HNMT: variants seen among roughly 807,000 people sequenced by gnomAD.
HNMT encodes histamine N-methyltransferase.
In HNMT, 30 loss-of-function variants were observed where a neutral mutation model predicts 32.1. That is an observed-to-expected ratio of 0.93 (90% confidence interval 0.70 to 1.27). The LOEUF (loss-of-function observed/expected upper bound fraction) is 1.27, where lower values mean the gene tolerates loss of function less well. Ranked by LOEUF, HNMT falls within the 50% of genes most tolerant of loss-of-function variation. The pLI is 0.00. For synonymous variants in HNMT, 125 were observed against 119.0 expected, an observed-to-expected ratio of 1.05 and a Z score of -0.33; for missense variants, 327 against 346.0, an observed-to-expected ratio of 0.95 and a Z score of 0.43.
chr2:137,985,981 A>T (rs552510638), intron 2 of HNMT, among the ~76,000 whole-genome samples: 58 of 152,210 alleles, frequency 3.8e-4, no homozygotes, highest in African/African-American at 7.2e-4. Context: ...AAAATAAAAT[A>T]AAATTAAAAT....
intron 5 of HNMT, among the ~76,000 whole-genome samples, chr2:138,008,048 C>G (rs937853134): frequency 6.6e-6 from 1 of 151,876 alleles, no homozygotes; most frequent in Non-Finnish European, 1.5e-5. Flanking sequence ...CATAGGTAAA[C>G]GTGTCCGGGG....
At chr2:137,981,641 T>C (rs1188199903) in intron 2 of HNMT, 2 of 473,292 alleles carry the variant, frequency 4.2e-6, no homozygotes, top group Admixed American at 6.9e-5. Context: ...CTTCACTTTC[T>C]TGAGTAATTA....
At chr2:138,003,148 TG>T (rs1218007433) in intron 4 of HNMT, among the ~76,000 whole-genome samples, 7 of 149,570 alleles carry the variant, frequency 4.7e-5, no homozygotes, top group African/African-American at 1.7e-4. Context: ...GACGAGTTAG[TG>T]GGTGCAGCGC....
intron 2 of HNMT, among the ~76,000 whole-genome samples, chr2:137,997,270 C>T (rs1681025648): frequency 2.0e-5 from 3 of 151,958 alleles, no homozygotes; most frequent in Admixed American, 6.6e-5. Flanking sequence ...CTGTGCTCTA[C>T]CCATCTGACA....
chr2:137,981,073 A>G, intron 2 of HNMT: 1 of 1,068,206 alleles, frequency 9.4e-7, no homozygotes, highest in Non-Finnish European at 1.3e-6. Flanking sequence ...AATGATAATA[A>G]TCTTAATGCA....
At chr2:137,975,930 G>C (rs3100699) in intron 2 of HNMT, among the ~76,000 whole-genome samples, 143,617 of 152,270 alleles carry the variant, frequency 0.94, 68,271 homozygotes, top group East Asian at 1. Context: ...CCCTCAAAGC[G>C]CCAATGGTTG....
intron 2 of HNMT, among the ~76,000 whole-genome samples, chr2:137,996,928 C>A (rs1189460440): frequency 1.3e-5 from 2 of 152,006 alleles, no homozygotes; most frequent in East Asian, 3.9e-4. Context: ...GGGAAAGGAT[C>A]TCCTATTCAG....
intron 2 of HNMT, among the ~76,000 whole-genome samples, chr2:137,988,900 ATTG>A (rs1388013239): frequency 6.6e-6 from 1 of 152,150 alleles, no homozygotes; most frequent in Non-Finnish European, 1.5e-5. Context: ...TATTTTTGTC[ATTG>A]TTGTTTTATT....
At chr2:137,985,684 A>G (rs551271278) in intron 2 of HNMT, among the ~76,000 whole-genome samples, 12 of 152,330 alleles carry the variant, frequency 7.9e-5, no homozygotes, top group African/African-American at 2.9e-4. Flanking sequence ...ACTTGCCCAG[A>G]ACAGACAGTC....
intron 2 of HNMT, among the ~76,000 whole-genome samples, chr2:137,982,010 C>T (rs766020999): frequency 2.0e-5 from 3 of 152,136 alleles, no homozygotes; most frequent in African/African-American, 4.8e-5. Context: ...CACGCCACCA[C>T]GCCCAGATAA....
At chr2:137,966,125 T>C (rs1442341956) in intron 1 of HNMT, among the ~76,000 whole-genome samples, 2 of 152,224 alleles carry the variant, frequency 1.3e-5, no homozygotes, top group African/African-American at 4.8e-5. Context: ...TACCAAAATG[T>C]GATTAGGATA....
chr2:137,992,685 A>T (rs1680859373), intron 2 of HNMT, among the ~76,000 whole-genome samples: 1 of 152,148 alleles, frequency 6.6e-6, no homozygotes, highest in African/African-American at 2.4e-5. Flanking sequence ...CCCGCAAGTG[A>T]GGCACTGTGT....
intron 1 of HNMT, among the ~76,000 whole-genome samples, chr2:137,969,326 C>G (rs114779869): frequency 0.029 from 4,364 of 152,290 alleles, 81 homozygotes; most frequent in Non-Finnish European, 0.046. Flanking sequence ...CTGACCATTA[C>G]TTTATGATGA....
At chr2:137,975,713 T>C (rs1486400433) in intron 2 of HNMT, among the ~76,000 whole-genome samples, 1 of 152,152 alleles carries the variant, frequency 6.6e-6, no homozygotes, top group Non-Finnish European at 1.5e-5. Flanking sequence ...GAAGATCCAG[T>C]GTGTCAGGTT....
At chr2:138,002,420 GT>G in intron 4 of HNMT, 1 of 917,858 alleles carries the variant, frequency 1.1e-6, no homozygotes, top group Non-Finnish European at 1.3e-6. Flanking sequence ...ACCTCTACAA[GT>G]TATCCATTTT....
chr2:137,964,662 G>C (rs974915578), intron 1 of HNMT, 34 bp downstream of exon 1: 2 of 1,610,366 alleles, frequency 1.2e-6, no homozygotes, highest in African/African-American at 2.7e-5. Flanking sequence ...AAAGGGACAA[G>C]CCTCAGACTG....
intron 5 of HNMT, among the ~76,000 whole-genome samples, chr2:138,011,485 C>T (rs577873914): frequency 1.5e-4 from 23 of 152,118 alleles, no homozygotes; most frequent in African/African-American, 5.5e-4. Context: ...TTATCCTAGG[C>T]TATTTATTAT....
intron 5 of HNMT, among the ~76,000 whole-genome samples, chr2:138,010,245 T>G (rs1421937034): frequency 2.6e-5 from 4 of 152,060 alleles, no homozygotes; most frequent in Non-Finnish European, 4.4e-5. Context: ...AAATATGTTT[T>G]AATTGAACTG....
chr2:138,009,185 A>C (rs940369241), intron 5 of HNMT, among the ~76,000 whole-genome samples: 1 of 152,176 alleles, frequency 6.6e-6, no homozygotes, highest in Non-Finnish European at 1.5e-5. Flanking sequence ...ATGAAAATCA[A>C]AACCACAATG....
Sources: allele counts gnomAD v4.1 joint callset (sites outside exome capture counted in the v4.1 genomes callset), GRCh38; gene constraint gnomAD v4.1.1; transcripts MANE v1.5; gene names NCBI Gene and HGNC (gene_info 2026-07-23, HGNC 2026-07-21).